The following LRRC7 variants were observed in gnomAD, a reference collection of about 807,000 sequenced individuals.
LRRC7 encodes leucine-rich repeat-containing protein 7.
A neutral mutation model predicts 175.7 loss-of-function variants in LRRC7; 23 were observed. That is an observed-to-expected ratio of 0.13 (90% CI 0.09 to 0.19). The LOEUF (loss-of-function observed/expected upper bound fraction) is 0.19. Ranked by LOEUF, LRRC7 falls within the 10% of genes least tolerant of loss-of-function variation. LRRC7 has a pLI of 1.00. For synonymous variants in LRRC7, 685 were observed against 680.9 expected, an observed-to-expected ratio of 1.01 and a Z score of -0.09; for missense variants, 1,354 against 1,904.7, an observed-to-expected ratio of 0.71 and a Z score of 5.38.
At chr1:69,698,960 C>T (rs1227125646) in intron 2 of LRRC7, among the ~76,000 whole-genome samples, 1 of 152,158 alleles carries the variant, frequency 6.6e-6, no homozygotes, top group African/African-American at 2.4e-5. Flanking sequence ...TATAGTCAAA[C>T]TTACTCCTAT....
At chr1:69,639,775 C>G (rs1236619836) in intron 1 of LRRC7, among the ~76,000 whole-genome samples, 1 of 151,454 alleles carries the variant, frequency 6.6e-6, no homozygotes, top group Non-Finnish European at 1.5e-5. Flanking sequence ...TAAATTCCTG[C>G]CAGGATTTGA....
Position 69,628,140 on chromosome 1 carries a change from A to G in LRRC7, c.3-50241A>G, listed in dbSNP as rs145016542. Among the ~76,000 whole-genome samples the G allele has an allele frequency of 4.4e-3, 666 of 152,260 alleles. 3 individuals carry two copies. The highest frequency in any genetic ancestry group is 7.0e-3 in the Non-Finnish European group (473 of 67,986). On this transcript the variant is annotated intron_variant, in intron 1 of 26. Transcript: ENST00000651989. The stretch of plus-strand genomic sequence containing the variant: ...TGTACTGCAAGTCCTAGCTAATGCT[A>G]TAAGAGAAAAGAAGGAAATAAAAGG...
intron 4 of LRRC7, among the ~76,000 whole-genome samples, chr1:69,810,433 A>T (rs774994777): frequency 3.3e-5 from 5 of 152,194 alleles, no homozygotes; most frequent in Non-Finnish European, 5.9e-5. Flanking sequence ...TTTAAATTTC[A>T]TATGGAAACA....
chr1:70,047,982 T>G (rs1571168226), intron 22 of LRRC7, among the ~76,000 whole-genome samples: 1 of 152,054 alleles, frequency 6.6e-6, no homozygotes, highest in Non-Finnish European at 1.5e-5. Flanking sequence ...TATTCATTCA[T>G]TCAGTCATTC....
chr1:70,016,267 T>G (rs1656955793), intron 13 of LRRC7, among the ~76,000 whole-genome samples, 198 bp from the exon 14 acceptor site: 1 of 152,200 alleles, frequency 6.6e-6, no homozygotes, highest in African/African-American at 2.4e-5. Context: ...TTTTTTATTT[T>G]TATTCAGATA....
intron 2 of LRRC7, among the ~76,000 whole-genome samples, chr1:69,745,005 T>C (rs1180520942): frequency 1.3e-5 from 2 of 151,860 alleles, no homozygotes; most frequent in African/African-American, 4.8e-5. Context: ...AGTAGTAAAC[T>C]TCCAAAAATA....
At chr1:69,627,391 C>T (rs1651768665) in intron 1 of LRRC7, among the ~76,000 whole-genome samples, 1 of 152,184 alleles carries the variant, frequency 6.6e-6, no homozygotes, top group African/African-American at 2.4e-5. Context: ...AGTGTCTGTT[C>T]ATATCCTTCG....
In LRRC7 at chr1:70,139,090, C is replaced by A. The variant is rs1451095671; in HGVS notation, c.*17203C>A. The A allele has an allele frequency of 1.3e-5, 2 of 152,146 alleles. No homozygotes were observed. Among genetic ancestry groups the A allele is most frequent in the Non-Finnish European group, 2.9e-5 (2 of 68,020 alleles). 9.4% of individuals were successfully genotyped at this position (152,146 alleles called of 1,614,324 possible). A position where few individuals can be genotyped will look rare whatever the true frequency, so the allele number is the denominator to read the frequency against. ...TGCTTCCTACTGCAAAAACCAAGCC[C>A]ACAAGTCTCCAATCCTAAAAGTCAC... On this transcript the variant is annotated 3_prime_UTR_variant, in exon 27 of 27. Transcript: ENST00000651989.
chr1:69,823,599 ATATAT>A (rs1436311232), intron 4 of LRRC7, among the ~76,000 whole-genome samples: 6 of 152,220 alleles, frequency 3.9e-5, no homozygotes, highest in South Asian at 2.1e-4. Context: ...TTCACAGTAT[ATATAT>A]TATATTATAT....
chr1:69,652,427 C>T (rs1031085119), intron 1 of LRRC7, among the ~76,000 whole-genome samples: 4 of 152,068 alleles, frequency 2.6e-5, no homozygotes, highest in African/African-American at 9.7e-5. Flanking sequence ...AGCAAAAGAC[C>T]TGTAAACTGA....
At chr1:69,865,469 CTTTTTTT>C (rs532063540) in intron 7 of LRRC7, among the ~76,000 whole-genome samples, 4,801 of 51,310 alleles carry the variant, frequency 0.094, 293 homozygotes, top group South Asian at 0.26. Context: ...AAGACAGTTC[CTTTTTTT>C]TTTTTTTTTT....
At chr1:69,822,165 C>T (rs1456845965) in intron 4 of LRRC7, among the ~76,000 whole-genome samples, 1 of 152,068 alleles carries the variant, frequency 6.6e-6, no homozygotes, top group Non-Finnish European at 1.5e-5. Flanking sequence ...TTTCTCAGTC[C>T]CACAAAGCCA....
chr1:69,732,018 C>T (rs1667629440), intron 2 of LRRC7, among the ~76,000 whole-genome samples: 1 of 151,938 alleles, frequency 6.6e-6, no homozygotes. Flanking sequence ...AAGTGTTTTG[C>T]TTGATTTCTT....
chr1:69,655,294 A>T lies in LRRC7; in HGVS notation c.3-23087A>T, dbSNP rs537605364. Among the ~76,000 whole-genome samples, 8 of 152,206 alleles carry T rather than the reference A, an allele frequency of 5.3e-5. No homozygotes were observed. The South Asian group carries it at 1.2e-3, about 24-fold the overall frequency. On this transcript the variant is annotated intron_variant, in intron 1 of 26. Coordinates refer to ENST00000651989, the MANE Select transcript of LRRC7 (RefSeq NM_001370785.2). ...CCTGTGTTTTATTTTTTCTGTAATT[A>T]TCTCTACTACCACGTAGGCGGCTGA...
At chr1:69,766,388 G>A (rs527328255) in intron 3 of LRRC7, among the ~76,000 whole-genome samples, 99 of 152,228 alleles carry the variant, frequency 6.5e-4, no homozygotes, top group African/African-American at 2.2e-3. Flanking sequence ...AATCCTCTAA[G>A]ACATTTGAAA....
At chr1:69,670,731 T>C (rs1310849147) in intron 1 of LRRC7, among the ~76,000 whole-genome samples, 4 of 152,126 alleles carry the variant, frequency 2.6e-5, no homozygotes, top group African/African-American at 7.2e-5. Context: ...TGAGACACAG[T>C]CCTTTCCACT....
intron 4 of LRRC7, among the ~76,000 whole-genome samples, chr1:69,799,643 G>T (rs1390109350): frequency 6.6e-6 from 1 of 151,866 alleles, no homozygotes; most frequent in African/African-American, 2.4e-5. Flanking sequence ...TTCAAATTTT[G>T]CTATAGTTTG....
chr1:69,933,901 C>G (rs934760774), intron 8 of LRRC7, among the ~76,000 whole-genome samples: 1 of 152,096 alleles, frequency 6.6e-6, no homozygotes, highest in Non-Finnish European at 1.5e-5. Context: ...GTATTTCATG[C>G]CAGGCACAAA....
chr1:70,014,180 T>G (rs1036516097), intron 13 of LRRC7: 1 of 152,030 alleles, frequency 6.6e-6, no homozygotes, highest in African/African-American at 2.4e-5. Context: ...AAGTTGTTTC[T>G]GACTTTTGGC....
Sources: gnomAD v4.1 joint callset for allele counts (sites outside exome capture counted in the v4.1 genomes callset) on GRCh38, gnomAD v4.1.1 for gene constraint, MANE v1.5 for transcripts, NCBI Gene and HGNC (gene_info 2026-07-23, HGNC 2026-07-21) for gene names.